AKAP6: variants seen among roughly 807,000 people sequenced by gnomAD.
The protein encoded by AKAP6 is A-kinase anchor protein 6.
In AKAP6, 58 loss-of-function variants were observed where a neutral mutation model predicts 188.5. The observed-to-expected ratio is 0.31, with a 90% CI of 0.25 to 0.38. AKAP6 has a LOEUF of 0.38. Ranked by LOEUF, AKAP6 falls within the 10% of genes least tolerant of loss-of-function variation. The probability of loss-of-function intolerance (pLI) is 1.00; values close to 1 mark genes in which losing one functional copy is unlikely to be tolerated. For synonymous variants in AKAP6, 989 were observed against 998.6 expected (o/e 0.99, Z 0.18); for missense variants, 2,710 against 2,740.0 (o/e 0.99, Z 0.24).
chr14:32,750,277 T>C (rs1392198240), intron 11 of AKAP6, among the ~76,000 whole-genome samples: 2 of 150,616 alleles, frequency 1.3e-5, no homozygotes, highest in African/African-American at 4.8e-5. Flanking sequence ...AAAAATGAGC[T>C]TTTTTTTCCT....
intron 2 of AKAP6, among the ~76,000 whole-genome samples, chr14:32,498,308 A>G (rs1880431703): frequency 1.3e-5 from 2 of 149,834 alleles, no homozygotes; most frequent in African/African-American, 4.9e-5. Context: ...TGAATATATA[A>G]CAATTAATGT....
chr14:32,664,076 G>A (rs1162364001), intron 7 of AKAP6, among the ~76,000 whole-genome samples: 1 of 152,074 alleles, frequency 6.6e-6, no homozygotes, highest in South Asian at 2.1e-4. Flanking sequence ...GATAAAGCAG[G>A]AGGATATCAT....
intron 2 of AKAP6, among the ~76,000 whole-genome samples, chr14:32,452,438 C>T (rs1303419019): frequency 6.6e-6 from 1 of 152,040 alleles, no homozygotes; most frequent in East Asian, 1.9e-4. Flanking sequence ...TCTGTTTTTT[C>T]CCTATTATAA....
intron 1 of AKAP6, among the ~76,000 whole-genome samples, chr14:32,376,885 TG>T (rs1888174906): frequency 1.3e-5 from 2 of 152,070 alleles, no homozygotes; most frequent in African/African-American, 4.8e-5. Flanking sequence ...TTAGTAGAGA[TG>T]GGGTTTCGCC....
At chr14:32,432,530 A>G (rs1594607894) in intron 1 of AKAP6, among the ~76,000 whole-genome samples, 1 of 152,182 alleles carries the variant, frequency 6.6e-6, no homozygotes, top group Admixed American at 6.5e-5. Flanking sequence ...CCAAATATTA[A>G]TGTAATTTAG....
chr14:32,676,489 T>C (rs996717383), intron 7 of AKAP6, among the ~76,000 whole-genome samples: 1 of 152,178 alleles, frequency 6.6e-6, no homozygotes, highest in African/African-American at 2.4e-5. Context: ...CATCACTAGA[T>C]CTAGCGTTTT....
chr14:32,812,773 T>C (rs1346569341), intron 12 of AKAP6, among the ~76,000 whole-genome samples: 2 of 152,222 alleles, frequency 1.3e-5, no homozygotes, highest in East Asian at 3.8e-4. Flanking sequence ...CTATCAACAC[T>C]GAGGTTATTG....
intron 2 of AKAP6, among the ~76,000 whole-genome samples, chr14:32,446,048 T>C (rs1890744903): frequency 6.6e-6 from 1 of 152,208 alleles, no homozygotes. Flanking sequence ...CAATTTTATA[T>C]ATAATGCATC....
chr14:32,333,933 A>G (rs1886609646), intron 1 of AKAP6, among the ~76,000 whole-genome samples: 1 of 152,186 alleles, frequency 6.6e-6, no homozygotes, highest in Admixed American at 6.6e-5. Flanking sequence ...TGATGGAGGT[A>G]TGTATCATAC....
rs1246397855 is a variant in AKAP6, at chr14:32,822,789, T to G, written c.4976T>G (p.Leu1659Arg). The G allele has an allele frequency of 6.2e-7, 1 of 1,613,972 alleles. No individual in the cohort carries two copies. Among genetic ancestry groups the G allele is most frequent in the Admixed American group, 1.7e-5 (1 of 59,940 alleles). The stretch of plus-strand genomic sequence containing the variant: ...AAACGAAGTGTTTCTGATATCACTC[T>G]TCAAAGCAGTTCCCAAAAGATGTCC... ...KIKRSVSDIT[L>R]QSSSQKMSFT... is the part of the protein sequence containing the mutation. Residue 1659 changes from leucine (L) to arginine (R), a missense_variant, in exon 13 of 14, where the codon CTT becomes CGT. Physicochemically the swap from Leu to Arg is moderately radical, Grantham distance 102 (BLOSUM62 -2). Around this residue, in one of 2 missense-constraint regions of AKAP6, gnomAD observed 2,473 missense variants for 2,426.1 expected, o/e 1.02. Transcript: ENST00000280979.
intron 7 of AKAP6, among the ~76,000 whole-genome samples, chr14:32,631,445 TTA>T (rs1222957673): frequency 2.6e-5 from 4 of 152,092 alleles, no homozygotes; most frequent in Non-Finnish European, 4.4e-5. Context: ...CTGAGATTGG[TTA>T]TATTTTAAAT....
intron 2 of AKAP6, among the ~76,000 whole-genome samples, chr14:32,518,513 G>A (rs998207059): frequency 6.6e-6 from 1 of 152,200 alleles, no homozygotes; most frequent in African/African-American, 2.4e-5. Flanking sequence ...AACTGTTGGA[G>A]CTGAAAACCA....
chr14:32,747,464 A>G (rs1223476523), intron 11 of AKAP6, among the ~76,000 whole-genome samples: 1 of 152,250 alleles, frequency 6.6e-6, no homozygotes, highest in Non-Finnish European at 1.5e-5. Context: ...TCCTTTCTAC[A>G]TATCATAGAT....
intron 11 of AKAP6, among the ~76,000 whole-genome samples, chr14:32,749,782 A>G (rs1297257575): frequency 6.6e-6 from 1 of 152,228 alleles, no homozygotes; most frequent in East Asian, 1.9e-4. Flanking sequence ...AGTTGAAGAG[A>G]TGGAGGATTT....
At chr14:32,694,738 C>CT (rs200737247) in intron 8 of AKAP6, among the ~76,000 whole-genome samples, 36,887 of 151,936 alleles carry the variant, frequency 0.24, 5,600 homozygotes, top group South Asian at 0.38. Context: ...CACCCCATCA[C>CT]CAGGCACACC....
At chr14:32,497,997 A>G (rs749084267) in intron 2 of AKAP6, among the ~76,000 whole-genome samples, 1 of 152,106 alleles carries the variant, frequency 6.6e-6, no homozygotes, top group Non-Finnish European at 1.5e-5. Flanking sequence ...GGGAGTTTCA[A>G]TCTAAGGTAT....
At chr14:32,487,714 G>A (rs1014797016) in intron 2 of AKAP6, among the ~76,000 whole-genome samples, 1 of 152,196 alleles carries the variant, frequency 6.6e-6, no homozygotes, top group Non-Finnish European at 1.5e-5. Flanking sequence ...AGTGAACTTC[G>A]GATGGGGTTT....
Position 32,724,268 on chromosome 14 carries a change from G to A in AKAP6, c.3001-8186G>A, listed in dbSNP as rs956523146. ...CATTAATAAAATATTTAATAAGAAT[G>A]GACCAAAGAAGAGACCTATGGCATA... On this transcript the variant is annotated intron_variant, in intron 9 of 13. Transcript: ENST00000280979. Among the ~76,000 whole-genome samples, 44 of 152,058 alleles carry A rather than the reference G, an allele frequency of 2.9e-4. 1 individual carries two copies. The highest frequency in any genetic ancestry group is 2.6e-4 in the Non-Finnish European group (18 of 68,016).
rs574103360 is a variant in AKAP6, at chr14:32,346,787, C to T, written c.-35+17379C>T. ...CCTCCCAAAGTGCTGGGATTACAGG[C>T]GTGAGCCACCGCACCCAGCCAGAAA... On this transcript the variant is annotated intron_variant, in intron 1 of 13. Coordinates refer to ENST00000280979, the MANE Select transcript of AKAP6 (RefSeq NM_004274.5). Among the ~76,000 whole-genome samples, 26 of 152,280 alleles carry T rather than the reference C, an allele frequency of 1.7e-4. No homozygotes were observed. The South Asian group carries it at 4.1e-3, about 24-fold the overall frequency.
Sources: gnomAD v4.1 joint callset for allele counts (sites outside exome capture counted in the v4.1 genomes callset) on GRCh38, gnomAD v4.1.1 for gene constraint, gnomAD v4.1.1 regional missense constraint, MANE v1.5 for transcripts, NCBI Gene and HGNC (gene_info 2026-07-23, HGNC 2026-07-21) for gene names.